Variants in SSX5 observed in about 807,000 individuals in gnomAD.
SSX5 encodes SSX family member 5.
In SSX5, 14 loss-of-function variants were observed where a neutral mutation model predicts 14.9. That is an observed-to-expected ratio of 0.94 (90% confidence interval 0.62 to 1.47). The LOEUF is 1.47. Ranked by LOEUF, SSX5 falls within the 40% of genes most tolerant of loss-of-function variation. SSX5 has a pLI of 0.00. For synonymous variants in SSX5, 70 were observed against 55.4 expected, an observed-to-expected ratio of 1.26 and a Z score of -1.17; for missense variants, 204 against 154.6, an observed-to-expected ratio of 1.32 and a Z score of -1.70.
At chrX:48,195,997 C>T (rs1249979579) in intron 1 of SSX5, among the ~76,000 whole-genome samples, 1 of 111,483 alleles carries the variant, frequency 9.0e-6, no homozygotes, top group Non-Finnish European at 1.9e-5. Flanking sequence ...TTTCAACATG[C>T]ACAATCAGCC....
chrX:48,186,303 T>G lies in SSX5; in HGVS notation c.*558A>C. The G allele has an allele frequency of 5.9e-6, 1 of 168,929 alleles. No homozygotes were observed. Among genetic ancestry groups the G allele is most frequent in the East Asian group, 1.2e-4 (1 of 8,564 alleles). 13.9% of individuals were successfully genotyped at this position (168,929 alleles called of 1,213,427 possible). On this transcript the variant is annotated 3_prime_UTR_variant, in exon 8 of 8. Transcript: ENST00000347757. ...AGTACATGCTGAACAGGAAACAGAG[T>G]GAGGGGGGCTTGACCAGGACACATG...
intron 4 of SSX5, among the ~76,000 whole-genome samples, chrX:48,193,808 G>A (rs1205348031): frequency 9.1e-6 from 1 of 109,486 alleles, no homozygotes; most frequent in African/African-American, 3.3e-5. Context: ...TGTCTGTGCC[G>A]CACTCAGCAA....
intron 6 of SSX5, 93 bp downstream of exon 6, chrX:48,190,040 G>T: frequency 8.9e-7 from 1 of 1,120,682 alleles, no homozygotes; most frequent in East Asian, 3.1e-5. Context: ...CCTGGACCCA[G>T]GCTTGTCTGG....
Position 48,190,185 on chromosome X carries a change from C to A in SSX5, c.414G>T (p.Gln138His). 8.3e-7 allele frequency: 1 copy of A among 1,211,055 alleles called. No individual in the cohort carries two copies. ...TATTTAGTTTTCCTGAGGGGCGCAGCTGTTTCCCATTGTTCTGTGGGCCAG... is the reference window on the plus strand; with the variant it reads ...TATTTAGTTTTCCTGAGGGGCGCAGATGTTTCCCATTGTTCTGTGGGCCAG... ...EASGPQNNGKQLRPSGKLNTS... is the reference protein window; with the variant it reads ...EASGPQNNGKHLRPSGKLNTS... Residue 138 changes from glutamine (Q) to histidine (H), a missense_variant, in exon 6 of 8, where the codon CAG becomes CAT. Coordinates refer to ENST00000347757, the MANE Select transcript of SSX5 (RefSeq NM_175723.2).
At chrX:48,192,431 A>G (rs782149725) in intron 4 of SSX5, 150 bp from the exon 5 acceptor site, 2 of 909,963 alleles carry the variant, frequency 2.2e-6, no homozygotes, top group East Asian at 3.2e-5. Context: ...AATTATGTTT[A>G]GTCATGGTTG....
rs2059434104 is a variant in SSX5 at position 48,194,827 on chromosome X, A to G, written c.97T>C (p.Ser33Pro). The G allele has an allele frequency of 1.7e-6, 2 of 1,209,561 alleles. No homozygotes were observed. Among genetic ancestry groups the G allele is most frequent in the Non-Finnish European group, 2.2e-6 (2 of 894,651 alleles). Reference sequence around the variant, plus strand: ...TTCATCTTTTCCCACTCTTTCTCAGAGAAGTATTTGGCAATATCATCGAAG... The same window carrying G: ...TTCATCTTTTCCCACTCTTTCTCAGGGAAGTATTTGGCAATATCATCGAAG... ...KAFDDIAKYF[S>P]EKEWEKMKAS... The change falls in exon 3 of 8, where the codon TCT becomes CCT. Residue 33 changes from serine (S) to proline (P), a missense_variant. By Grantham distance (74) the Ser-to-Pro change is moderately conservative. Transcript: ENST00000347757.
chrX:48,187,654 C>G lies in SSX5; in HGVS notation c.544G>C (p.Asp182His). 8.3e-7 allele frequency: 1 copy of G among 1,209,576 alleles called. No homozygotes were observed. The highest frequency in any genetic ancestry group is 1.1e-6 in the Non-Finnish European group (1 of 895,135). The change falls in exon 7 of 8, where the codon GAC becomes CAC. Residue 182 changes from aspartate to histidine, a missense_variant. Physicochemically the swap from Asp to His is moderately conservative, Grantham distance 81 (BLOSUM62 -1). Transcript: ENST00000347757. The part of the protein sequence containing the change: ...KQLVIYEEIS[D>H]PQEDDE ...AGTTACTCGTCATCTTCCTGAGGGT[C>G]GCTGATCTCTTCATAAATCACCAGT...
intron 7 of SSX5, among the ~76,000 whole-genome samples, 163 bp from the exon 8 acceptor site, chrX:48,187,019 A>G (rs782253395): frequency 9.0e-6 from 1 of 111,697 alleles, no homozygotes; most frequent in African/African-American, 3.2e-5. Flanking sequence ...CCATCTGCTC[A>G]TACCACAGTG....
intron 6 of SSX5, among the ~76,000 whole-genome samples, chrX:48,189,743 G>T (rs782118641): frequency 8.9e-6 from 1 of 111,776 alleles, no homozygotes; most frequent in East Asian, 2.8e-4. Context: ...CCTATATCGG[G>T]TAACAGGCAT....
chrX:48,196,076 A>G (rs782557509), intron 1 of SSX5, among the ~76,000 whole-genome samples: 1 of 110,567 alleles, frequency 9.0e-6, no homozygotes, highest in Non-Finnish European at 1.9e-5. Context: ...GCTTGAGCCC[A>G]GGAGGTCAAG....
At chrX:48,191,183 G>A (rs782157070) in intron 5 of SSX5, among the ~76,000 whole-genome samples, 81 of 111,059 alleles carry the variant, frequency 7.3e-4, no homozygotes, top group Non-Finnish European at 1.3e-3. Context: ...GATTACAGTC[G>A]TGAGCCACCA....
chrX:48,188,344 A>G (rs782080563), intron 6 of SSX5, among the ~76,000 whole-genome samples: 1 of 112,648 alleles, frequency 8.9e-6, no homozygotes, highest in East Asian at 2.8e-4. Flanking sequence ...CACATCATGG[A>G]AAATAAGGGA....
At chrX:48,191,544 C>T (rs375598451) in intron 5 of SSX5, among the ~76,000 whole-genome samples, 2 of 111,438 alleles carry the variant, frequency 1.8e-5, no homozygotes, top group East Asian at 5.7e-4. Context: ...ACAGTCAAAG[C>T]GATTCCTAAG....
intron 4 of SSX5, among the ~76,000 whole-genome samples, chrX:48,193,691 G>A (rs1430471784): frequency 9.0e-6 from 1 of 110,654 alleles, no homozygotes; most frequent in Admixed American, 9.7e-5. Flanking sequence ...GAAAGTTGGA[G>A]TGAGCTGAGA....
chrX:48,194,988 C>G, intron 2 of SSX5, 134 bp from the exon 3 acceptor site: 1 of 1,211,609 alleles, frequency 8.3e-7, no homozygotes, highest in African/African-American at 1.7e-5. Flanking sequence ...GGCTAACTGA[C>G]AGAACATGGG....
At chrX:48,190,000 A>T (rs2059413361) in intron 6 of SSX5, 133 bp downstream of exon 6, 1 of 923,814 alleles carries the variant, frequency 1.1e-6, no homozygotes, top group Non-Finnish European at 1.4e-6. Context: ...GTAACATCTC[A>T]TCTGGAGCTG....
chrX:48,189,502 CA>C (rs1178495657), intron 6 of SSX5, among the ~76,000 whole-genome samples: 4 of 112,059 alleles, frequency 3.6e-5, no homozygotes, highest in Non-Finnish European at 7.5e-5. Flanking sequence ...CCTCCACCAG[CA>C]AAAAGAGTGT....
chrX:48,193,064 G>A (rs782671279), intron 4 of SSX5, among the ~76,000 whole-genome samples: 5 of 111,810 alleles, frequency 4.5e-5, no homozygotes, highest in South Asian at 3.8e-4. Flanking sequence ...ACTCACTCCC[G>A]AGCTCATCAC....
intron 3 of SSX5, among the ~76,000 whole-genome samples, 189 bp from the exon 4 acceptor site, chrX:48,194,413 C>A (rs1470826777): frequency 3.1e-5 from 3 of 96,662 alleles, no homozygotes; most frequent in African/African-American, 1.1e-4. Context: ...GACTCTAAGT[C>A]AAAAAAAAAA....
Sources: allele counts gnomAD v4.1 joint callset (sites outside exome capture counted in the v4.1 genomes callset), GRCh38; gene constraint gnomAD v4.1.1; transcripts MANE v1.5; gene names NCBI Gene and HGNC (gene_info 2026-07-23, HGNC 2026-07-21).